Variants in RBM20 observed in about 807,000 individuals in gnomAD.
The protein encoded by RBM20 is RNA-binding protein 20.
A neutral mutation model predicts 110.1 loss-of-function variants in RBM20; 51 were observed. The ratio of observed to expected loss-of-function variants is 0.46; its 90% confidence interval spans 0.37 to 0.59. The LOEUF (loss-of-function observed/expected upper bound fraction) is 0.59, where lower values mean the gene tolerates loss of function less well. RBM20 is among the 20% of genes least tolerant of loss of function. The pLI, the probability that RBM20 is intolerant of heterozygous loss-of-function variation, is 0.00. For synonymous variants in RBM20, 589 were observed against 618.2 expected (o/e 0.95, Z 0.70); for missense variants, 1,512 against 1,574.9 (o/e 0.96, Z 0.68).
intron 1 of RBM20, among the ~76,000 whole-genome samples, chr10:110,709,171 C>T (rs4918573): frequency 0.16 from 25,070 of 152,166 alleles, 2,284 homozygotes; most frequent in East Asian, 0.32. Context: ...CAATGTGAGA[C>T]AAACAGCTTT....
At chr10:110,651,904 G>A (rs1416104003) in intron 1 of RBM20, among the ~76,000 whole-genome samples, 2 of 152,192 alleles carry the variant, frequency 1.3e-5, no homozygotes, top group Non-Finnish European at 2.9e-5. Flanking sequence ...CAGAGTTGTG[G>A]AGAAACTTTA....
intron 1 of RBM20, among the ~76,000 whole-genome samples, chr10:110,765,548 T>G (rs892559004): frequency 6.6e-6 from 1 of 152,142 alleles, no homozygotes; most frequent in East Asian, 1.9e-4. Context: ...TGCATAAACT[T>G]CTGTTGTGCG....
chr10:110,812,746 G>C lies in RBM20; in HGVS notation c.2349G>C (p.Arg783Ser). 6.4e-7 allele frequency: 1 copy of C among 1,551,762 alleles called. No individual in the cohort carries two copies. ...KQQQDAPGRS[R>S]RKDEARLRES... Reference sequence around the variant, plus strand: ...AGCAGGATGCCCCCGGGAGGTCCAGGAGGAAAGACGAGGCCAGGCTGCGGG... The same window carrying C: ...AGCAGGATGCCCCCGGGAGGTCCAGCAGGAAAGACGAGGCCAGGCTGCGGG... Residue 783 changes from arginine (R) to serine (S), a missense_variant, in exon 9 of 14, where the codon AGG (arginine) becomes AGC (serine). Arg to Ser is a moderately radical substitution (Grantham distance 110). Transcript: ENST00000369519.
intron 12 of RBM20, among the ~76,000 whole-genome samples, chr10:110,826,583 CTTTT>C (rs35918856): frequency 9.2e-5 from 13 of 140,934 alleles, no homozygotes; most frequent in Admixed American, 1.4e-4. Context: ...CATTCTTCTT[CTTTT>C]TTTTTTTTTT....
At chr10:110,746,570 C>A (rs1417632) in intron 1 of RBM20, among the ~76,000 whole-genome samples, 3 of 152,026 alleles carry the variant, frequency 2.0e-5, no homozygotes, top group Admixed American at 6.5e-5. Context: ...CAGTCGACCC[C>A]GAGTATTTCA....
intron 13 of RBM20, chr10:110,831,492 T>A: frequency 4.7e-6 from 1 of 212,650 alleles, no homozygotes; most frequent in East Asian, 1.1e-4. Context: ...ACCTAAAACA[T>A]CCTGTTTGGG....
intron 1 of RBM20, among the ~76,000 whole-genome samples, chr10:110,751,883 GA>G (rs1843858424): frequency 2.0e-5 from 3 of 151,924 alleles, no homozygotes; most frequent in Non-Finnish European, 4.4e-5. Context: ...TTTTCTTTCT[GA>G]AAGACTGTTT....
At chr10:110,723,659 AT>A (rs1229845914) in intron 1 of RBM20, among the ~76,000 whole-genome samples, 1 of 152,130 alleles carries the variant, frequency 6.6e-6, no homozygotes. Flanking sequence ...TTTGATTTGC[AT>A]TTCCTTAGTG....
chr10:110,723,503 CTG>C (rs1023146418), intron 1 of RBM20, among the ~76,000 whole-genome samples: 2 of 152,230 alleles, frequency 1.3e-5, no homozygotes, highest in Middle Eastern at 3.2e-3. Context: ...AGCATCCAAA[CTG>C]TTTTCCAACG....
chr10:110,663,304 C>T (rs1862131896), intron 1 of RBM20, among the ~76,000 whole-genome samples: 1 of 152,174 alleles, frequency 6.6e-6, no homozygotes, highest in South Asian at 2.1e-4. Flanking sequence ...TATACACATT[C>T]CACACCCTGA....
intron 1 of RBM20, among the ~76,000 whole-genome samples, chr10:110,698,939 T>G (rs1243527785): frequency 2.0e-5 from 3 of 152,240 alleles, no homozygotes; most frequent in South Asian, 2.1e-4. Flanking sequence ...GGCAAAGGGC[T>G]GTCTCATTTG....
At chr10:110,807,988 C>T (rs771954993) in intron 7 of RBM20, among the ~76,000 whole-genome samples, 13 of 152,226 alleles carry the variant, frequency 8.5e-5, no homozygotes, top group Non-Finnish European at 1.8e-4. Context: ...TGGTTCCCAC[C>T]AGCTTTCCCA....
chr10:110,696,733 G>A (rs1862669507), intron 1 of RBM20, among the ~76,000 whole-genome samples: 1 of 152,178 alleles, frequency 6.6e-6, no homozygotes, highest in African/African-American at 2.4e-5. Context: ...AGAGCCAAAG[G>A]GAATTTGAGG....
At chr10:110,830,959 T>TG (rs901411603) in intron 12 of RBM20, 102 bp from the exon 13 acceptor site, 2 of 1,175,598 alleles carry the variant, frequency 1.7e-6, no homozygotes, top group African/African-American at 3.1e-5. Context: ...AAGTGAGGGG[T>TG]GGAGCTCGTG....
chr10:110,686,162 C>T (rs1022122351), intron 1 of RBM20, among the ~76,000 whole-genome samples: 1 of 152,156 alleles, frequency 6.6e-6, no homozygotes, highest in Non-Finnish European at 1.5e-5. Flanking sequence ...CAAGGTACAG[C>T]GCTACATGAC....
At chr10:110,661,445 C>G (rs998837718) in intron 1 of RBM20, among the ~76,000 whole-genome samples, 2 of 152,110 alleles carry the variant, frequency 1.3e-5, no homozygotes, top group African/African-American at 4.8e-5. Flanking sequence ...TGGGCTCAGT[C>G]CCTAGACATA....
chr10:110,707,473 A>G (rs1009569809), intron 1 of RBM20, among the ~76,000 whole-genome samples: 3 of 152,252 alleles, frequency 2.0e-5, no homozygotes, highest in Admixed American at 6.5e-5. Context: ...CATTCTGCTG[A>G]TTTATTTCCT....
chr10:110,672,001 A>G (rs1862266564), intron 1 of RBM20, among the ~76,000 whole-genome samples: 1 of 152,064 alleles, frequency 6.6e-6, no homozygotes, highest in East Asian at 1.9e-4. Flanking sequence ...AGCTCTGAAG[A>G]CTTCAAATTC....
intron 7 of RBM20, among the ~76,000 whole-genome samples, chr10:110,800,349 A>G (rs140209589): frequency 3.3e-4 from 51 of 152,340 alleles, no homozygotes; most frequent in African/African-American, 9.1e-4. Context: ...TAAGCCTCAT[A>G]GAAGTCCTTC....
Sources: gnomAD v4.1 joint callset for allele counts (sites outside exome capture counted in the v4.1 genomes callset) on GRCh38, gnomAD v4.1.1 for gene constraint, MANE v1.5 for transcripts, NCBI Gene and HGNC (gene_info 2026-07-23, HGNC 2026-07-21) for gene names.